Variants in PCSK2 observed in about 807,000 individuals in gnomAD.
PCSK2 encodes neuroendocrine convertase 2.
Under a neutral mutation model 69.7 loss-of-function variants are expected in PCSK2, and 14 were observed. The observed-to-expected ratio is 0.20, with a 90% CI of 0.13 to 0.31. PCSK2 has a LOEUF of 0.31. PCSK2 is among the 10% of genes least tolerant of loss of function. The pLI is 1.00. For synonymous variants in PCSK2, 307 were observed against 320.7 expected (o/e 0.96, Z 0.46); for missense variants, 544 against 842.5 (o/e 0.65, Z 4.39).
chr20:17,360,490 A>C lies in PCSK2; in HGVS notation c.397-42A>C, dbSNP rs555475050. The C allele has an allele frequency of 1.7e-4, 211 of 1,269,796 alleles. 5 individuals carry two copies. In the South Asian group the frequency reaches 2.6e-3, roughly 16 times the overall value. 78.7% of individuals were successfully genotyped at this position (1,269,796 alleles called of 1,614,324 possible). ...AATATGTACATGGGTGCTTTACAAC[A>C]CCAAACTAATACCATTCTCTGCTTT... On this transcript the variant is annotated intron_variant, in intron 3 of 11. Transcript: ENST00000262545.
At chr20:17,425,605 C>G (rs543847934) in intron 6 of PCSK2, among the ~76,000 whole-genome samples, 1 of 152,232 alleles carries the variant, frequency 6.6e-6, no homozygotes, top group Non-Finnish European at 1.5e-5. Flanking sequence ...TTCATGTTAT[C>G]CTAGTAGCTG....
intron 11 of PCSK2, among the ~76,000 whole-genome samples, chr20:17,478,248 A>G (rs2033326103): frequency 6.6e-6 from 1 of 151,876 alleles, no homozygotes; most frequent in Admixed American, 6.5e-5. Flanking sequence ...TTCCCCAAAT[A>G]TTAATACTTG....
At chr20:17,426,027 G>C (rs2032241221) in intron 6 of PCSK2, among the ~76,000 whole-genome samples, 1 of 152,180 alleles carries the variant, frequency 6.6e-6, no homozygotes, top group African/African-American at 2.4e-5. Context: ...CCATGTTACA[G>C]AGTGAGAGAC....
intron 3 of PCSK2, among the ~76,000 whole-genome samples, 196 bp from the exon 4 acceptor site, chr20:17,360,336 C>CAAAA: frequency 6.9e-6 from 1 of 145,194 alleles, no homozygotes; most frequent in Non-Finnish European, 1.5e-5. Context: ...GTGTTTATAC[C>CAAAA]AAAAAAAAAA....
intron 2 of PCSK2, among the ~76,000 whole-genome samples, chr20:17,299,204 C>T (rs2123084192): frequency 6.6e-6 from 1 of 152,188 alleles, no homozygotes; most frequent in South Asian, 2.1e-4. Flanking sequence ...TCATTTTAAG[C>T]CATGAGGATT....
intron 2 of PCSK2, among the ~76,000 whole-genome samples, chr20:17,276,007 G>C (rs1988059507): frequency 6.6e-6 from 1 of 152,128 alleles, no homozygotes; most frequent in Admixed American, 6.6e-5. Context: ...TAAATGAAAT[G>C]ATGCTAGGGT....
chr20:17,338,306 C>T (rs1990416087), intron 2 of PCSK2, among the ~76,000 whole-genome samples: 1 of 152,042 alleles, frequency 6.6e-6, no homozygotes, highest in Non-Finnish European at 1.5e-5. Context: ...AAGCAGTTCT[C>T]CTGCCTCAGT....
At chr20:17,304,726 C>A (rs2123099645) in intron 2 of PCSK2, among the ~76,000 whole-genome samples, 1 of 152,186 alleles carries the variant, frequency 6.6e-6, no homozygotes, top group Middle Eastern at 3.4e-3. Flanking sequence ...ATTGTGTGAC[C>A]ATGTACAATT....
At chr20:17,236,997 G>C (rs1467611298) in intron 1 of PCSK2, among the ~76,000 whole-genome samples, 1 of 152,110 alleles carries the variant, frequency 6.6e-6, no homozygotes, top group Non-Finnish European at 1.5e-5. Flanking sequence ...CATGATTTCT[G>C]GGCAGTACTG....
chr20:17,391,587 T>C (rs1038646448), intron 5 of PCSK2, among the ~76,000 whole-genome samples: 1 of 152,136 alleles, frequency 6.6e-6, no homozygotes, highest in Admixed American at 6.6e-5. Context: ...GAGCTACTAG[T>C]GGAGGCTGGA....
At chr20:17,249,251 A>T (rs1191034279) in intron 1 of PCSK2, among the ~76,000 whole-genome samples, 1 of 152,212 alleles carries the variant, frequency 6.6e-6, no homozygotes, top group Admixed American at 6.5e-5. Context: ...TCACGCCTGT[A>T]ATCCCAGCAC....
intron 2 of PCSK2, among the ~76,000 whole-genome samples, chr20:17,304,595 C>T (rs556103872): frequency 2.0e-4 from 31 of 152,238 alleles, no homozygotes; most frequent in Non-Finnish European, 4.1e-4. Context: ...TACTTAGAAA[C>T]TTTTCTGTGT....
At chr20:17,455,908 C>G (rs1052829107) in intron 9 of PCSK2, among the ~76,000 whole-genome samples, 2 of 152,126 alleles carry the variant, frequency 1.3e-5, no homozygotes, top group African/African-American at 2.4e-5. Flanking sequence ...CTAAGTTTAT[C>G]CTTAGTTTCA....
chr20:17,400,229 T>A (rs2031604082), intron 5 of PCSK2, among the ~76,000 whole-genome samples: 1 of 152,214 alleles, frequency 6.6e-6, no homozygotes, highest in African/African-American at 2.4e-5. Context: ...ACTTATTCTT[T>A]TTTATTTGCC....
intron 4 of PCSK2, among the ~76,000 whole-genome samples, chr20:17,366,404 A>T (rs1039032466): frequency 1.3e-5 from 2 of 152,216 alleles, no homozygotes; most frequent in Non-Finnish European, 2.9e-5. Flanking sequence ...CGGTACCCCC[A>T]TAGGCTGTGA....
chr20:17,355,725 A>C (rs1435735124), intron 2 of PCSK2, among the ~76,000 whole-genome samples: 2 of 151,980 alleles, frequency 1.3e-5, no homozygotes, highest in Non-Finnish European at 2.9e-5. Context: ...TTCAGGGAAA[A>C]TAATTGACCA....
chr20:17,366,575 A>G (rs2123225501), intron 4 of PCSK2, among the ~76,000 whole-genome samples: 1 of 152,366 alleles, frequency 6.6e-6, no homozygotes, highest in South Asian at 2.1e-4. Context: ...CCGATTAGGA[A>G]GATGTGTTCA....
At position 17,407,099 on chromosome 20, in the gene PCSK2, C is replaced by T. The variant is rs539877181; in HGVS notation, c.544-2164C>T. Among the ~76,000 whole-genome samples, 8 of 152,314 alleles carry T rather than the reference C, an allele frequency of 5.3e-5. No homozygotes were observed. In the South Asian group the frequency reaches 1.2e-3, roughly 24 times the overall value. ...TCACCAACCTCCGCTCCCTGCTCTC[C>T]ACTGGGGATCAAGGGAATGCAGGAT... On this transcript the variant is annotated intron_variant, in intron 5 of 11. Transcript: ENST00000262545.
intron 11 of PCSK2, among the ~76,000 whole-genome samples, chr20:17,480,956 T>C (rs982342332): frequency 1.3e-5 from 2 of 152,100 alleles, no homozygotes; most frequent in Non-Finnish European, 2.9e-5. Flanking sequence ...TTCTCGTGCC[T>C]GGGGTGGGAA....
Sources: gnomAD v4.1 joint callset for allele counts (sites outside exome capture counted in the v4.1 genomes callset) on GRCh38, gnomAD v4.1.1 for gene constraint, MANE v1.5 for transcripts, NCBI Gene and HGNC (gene_info 2026-07-23, HGNC 2026-07-21) for gene names.